Variants in EBF1 observed in about 807,000 individuals in gnomAD.
The protein encoded by EBF1 is EBF transcription factor 1.
A neutral mutation model predicts 68.4 loss-of-function variants in EBF1; 10 were observed. The ratio of observed to expected loss-of-function variants is 0.15; its 90% CI spans 0.09 to 0.25. The LOEUF (loss-of-function observed/expected upper bound fraction) is 0.25, where lower values mean the gene tolerates loss of function less well. Among genes scored for constraint, EBF1 ranks in the 10% least tolerant of loss-of-function variants. The pLI is 1.00. For synonymous variants in EBF1, 298 were observed against 299.8 expected (o/e 0.99, Z 0.06); for missense variants, 509 against 794.4 (o/e 0.64, Z 4.32).
At chr5:158,991,281 C>T (rs1043418011) in intron 6 of EBF1, among the ~76,000 whole-genome samples, 2 of 152,124 alleles carry the variant, frequency 1.3e-5, no homozygotes, top group African/African-American at 4.8e-5. Flanking sequence ...TTGATGACAT[C>T]ATAGGCCATT....
At chr5:158,846,273 C>T (rs760752816) in intron 6 of EBF1, among the ~76,000 whole-genome samples, 1 of 152,170 alleles carries the variant, frequency 6.6e-6, no homozygotes, top group Non-Finnish European at 1.5e-5. Context: ...CAGCAAAATG[C>T]CTCATGATTA....
chr5:158,699,229 ACC>A (rs1756246987), intron 15 of EBF1, 87 bp from the exon 16 acceptor site: 7 of 1,241,502 alleles, frequency 5.6e-6, no homozygotes, highest in Non-Finnish European at 8.0e-6. Flanking sequence ...AAAAAAAAAC[ACC>A]CACACACAAC....
rs1756091204 is a variant in EBF1 at position 158,698,458 on chromosome 5, T to G, written c.*653A>C. ...TTCCAGGCTGCATTTATTTACACAG[T>G]TGCTTAAGACAACAATACAAAAGAG... is the stretch of plus-strand genomic sequence containing the variant. On this transcript the variant is annotated 3_prime_UTR_variant, in exon 16 of 16. Transcript: ENST00000313708. 9.1e-6 allele frequency: 2 copies of G among 220,674 alleles called. No homozygotes were observed. The highest frequency in any genetic ancestry group is 1.8e-5 in the Non-Finnish European group (2 of 109,838). The allele number at this position is 220,674 out of a possible 1,614,324, so 13.7% of individuals were successfully genotyped here. A position where few individuals can be genotyped will look rare whatever the true frequency, so the allele number is the denominator to read the frequency against.
chr5:159,090,589 G>C (rs1388586719), intron 4 of EBF1, among the ~76,000 whole-genome samples: 1 of 152,052 alleles, frequency 6.6e-6, no homozygotes, highest in Non-Finnish European at 1.5e-5. Flanking sequence ...TGAATAAAAA[G>C]AGAATGTGTA....
At chr5:159,086,671 CA>C in intron 4 of EBF1, among the ~76,000 whole-genome samples, 1 of 152,206 alleles carries the variant, frequency 6.6e-6, no homozygotes, top group South Asian at 2.1e-4. Flanking sequence ...CCACTATTGG[CA>C]ACATAAATTC....
At chr5:158,724,984 A>C (rs1762705742) in intron 11 of EBF1, among the ~76,000 whole-genome samples, 1 of 152,180 alleles carries the variant, frequency 6.6e-6, no homozygotes, top group Non-Finnish European at 1.5e-5. Flanking sequence ...CAGAGGTGAA[A>C]ATGATTTATA....
intron 7 of EBF1, among the ~76,000 whole-genome samples, chr5:158,832,234 C>T (rs1047587295): frequency 1.3e-5 from 2 of 152,192 alleles, no homozygotes; most frequent in Admixed American, 6.5e-5. Flanking sequence ...TACATGTTCT[C>T]TAAGTGCAGG....
chr5:158,996,439 T>G (rs926560786), intron 6 of EBF1, among the ~76,000 whole-genome samples: 1 of 152,370 alleles, frequency 6.6e-6, no homozygotes, highest in Non-Finnish European at 1.5e-5. Flanking sequence ...TTGTGATTTC[T>G]GTCTTTTACC....
intron 6 of EBF1, among the ~76,000 whole-genome samples, chr5:159,058,715 A>G (rs149157350): frequency 5.1e-4 from 77 of 152,344 alleles, no homozygotes; most frequent in African/African-American, 1.7e-3. Flanking sequence ...AAGGATCTGT[A>G]GAGTTTGGGC....
intron 6 of EBF1, among the ~76,000 whole-genome samples, chr5:158,843,324 A>G (rs1412713236): frequency 6.6e-6 from 1 of 152,196 alleles, no homozygotes; most frequent in Non-Finnish European, 1.5e-5. Flanking sequence ...TGGTGCCAAA[A>G]TGAATTTTGA....
intron 6 of EBF1, among the ~76,000 whole-genome samples, chr5:158,963,327 T>G (rs1170649667): frequency 6.6e-6 from 1 of 152,234 alleles, no homozygotes. Flanking sequence ...CAATGATACT[T>G]TGCTATTAAC....
At position 158,994,026 on chromosome 5, in the gene EBF1, G is replaced by C. The variant is rs141252389; in HGVS notation, c.554+79370C>G. Among the ~76,000 whole-genome samples, 829 of 152,310 alleles carry C rather than the reference G, an allele frequency of 5.4e-3. 4 individuals are homozygous for C. Among genetic ancestry groups the C allele is most frequent in the Non-Finnish European group, 8.0e-3 (545 of 68,030 alleles). On this transcript the variant is annotated intron_variant, in intron 6 of 15. Coordinates refer to ENST00000313708, the MANE Select transcript of EBF1 (RefSeq NM_024007.5). Reference sequence around the variant, plus strand: ...CCCCAGTTATCATCACAGCAGGTGGGAAGATGGGTGAGTTACTTGGGTTCT... The same window carrying C: ...CCCCAGTTATCATCACAGCAGGTGGCAAGATGGGTGAGTTACTTGGGTTCT...
At chr5:158,795,518 C>G (rs755633615) in intron 9 of EBF1, among the ~76,000 whole-genome samples, 1 of 152,144 alleles carries the variant, frequency 6.6e-6, no homozygotes, top group Non-Finnish European at 1.5e-5. Flanking sequence ...CCCTATGGTA[C>G]CTTGTAACCC....
At position 158,733,782 on chromosome 5, in the gene EBF1, G is replaced by A. The variant is rs76805452; in HGVS notation, c.1037-2625C>T. On this transcript the variant is annotated intron_variant, in intron 10 of 15. Transcript: ENST00000313708. The stretch of plus-strand genomic sequence containing the variant: ...AATACAGGTATTGAATATTACAATG[G>A]AATCGTCCAGTGCTGCAGACAAAGC... Among the ~76,000 whole-genome samples the A allele has an allele frequency of 4.8e-3, 730 of 152,238 alleles. 8 individuals carry two copies. Among genetic ancestry groups the A allele is most frequent in the African/African-American group, 0.016 (678 of 41,554 alleles).
At chr5:159,052,094 C>T (rs1468472491) in intron 6 of EBF1, among the ~76,000 whole-genome samples, 4 of 151,806 alleles carry the variant, frequency 2.6e-5, no homozygotes, top group Admixed American at 2.6e-4. Context: ...TAAAACTAAA[C>T]CTTATTTGAG....
At chr5:158,893,536 C>G (rs1204522923) in intron 6 of EBF1, among the ~76,000 whole-genome samples, 1 of 152,186 alleles carries the variant, frequency 6.6e-6, no homozygotes, top group Non-Finnish European at 1.5e-5. Flanking sequence ...TAAATCCCCC[C>G]AAAACACAGG....
intron 6 of EBF1, among the ~76,000 whole-genome samples, chr5:159,039,419 T>C (rs1215518756): frequency 6.6e-6 from 1 of 152,228 alleles, no homozygotes; most frequent in Non-Finnish European, 1.5e-5. Context: ...ATTGTACTAG[T>C]TAAAATAAAA....
intron 6 of EBF1, among the ~76,000 whole-genome samples, chr5:158,988,444 T>A (rs1759583408): frequency 6.6e-6 from 1 of 152,160 alleles, no homozygotes; most frequent in Admixed American, 6.5e-5. Context: ...GCCCCAGAAC[T>A]GCCTCACATC....
intron 6 of EBF1, among the ~76,000 whole-genome samples, chr5:158,870,761 C>A (rs1044647231): frequency 1.3e-5 from 2 of 152,176 alleles, no homozygotes; most frequent in African/African-American, 4.8e-5. Flanking sequence ...AAACCTGAAC[C>A]AACATCTGGT....
Sources: allele counts gnomAD v4.1 joint callset (sites outside exome capture counted in the v4.1 genomes callset), GRCh38; gene constraint gnomAD v4.1.1; transcripts MANE v1.5; gene names NCBI Gene and HGNC (gene_info 2026-07-23, HGNC 2026-07-21).